Variants in DPYD observed in about 807,000 individuals in gnomAD.
The protein encoded by DPYD is dihydropyrimidine dehydrogenase [NADP(+)].
In DPYD, 109 loss-of-function variants were observed where a neutral mutation model predicts 116.2. The ratio of observed to expected loss-of-function variants is 0.94; its 90% confidence interval spans 0.80 to 1.10. The LOEUF (loss-of-function observed/expected upper bound fraction) is 1.10. Ranked by LOEUF, DPYD falls within the 50% of genes least tolerant of loss-of-function variation. The probability of loss-of-function intolerance (pLI) is 0.00; values close to 1 mark genes in which losing one functional copy is unlikely to be tolerated. For missense variants in DPYD, 1,302 were observed against 1,254.5 expected, an observed-to-expected ratio of 1.04 and a Z score of -0.57; for synonymous variants, 440 against 432.0, an observed-to-expected ratio of 1.02 and a Z score of -0.23.
At chr1:97,122,511 T>C (rs1460478691) in intron 20 of DPYD, among the ~76,000 whole-genome samples, 2 of 152,188 alleles carry the variant, frequency 1.3e-5, no homozygotes, top group East Asian at 3.8e-4. Context: ...TTTCAAAGAC[T>C]TCCCATCAGA....
At chr1:97,495,547 AT>A (rs1313072414) in intron 13 of DPYD, among the ~76,000 whole-genome samples, 7 of 152,098 alleles carry the variant, frequency 4.6e-5, no homozygotes, top group Non-Finnish European at 8.8e-5. Context: ...ATTATTGATT[AT>A]ATTATTATTA....
intron 4 of DPYD, among the ~76,000 whole-genome samples, chr1:97,724,983 G>GAGAGAGAGAGAGAT (rs1663160785): frequency 6.7e-6 from 1 of 148,840 alleles, no homozygotes; most frequent in Non-Finnish European, 1.5e-5. Flanking sequence ...GAGAGAGAGA[G>GAGAGAGAGAGAGAT]AGAAAGTTAT....
intron 18 of DPYD, among the ~76,000 whole-genome samples, chr1:97,302,379 G>T (rs1666917951): frequency 6.6e-6 from 1 of 151,882 alleles, no homozygotes; most frequent in Admixed American, 6.6e-5. Context: ...TTTTAATGGA[G>T]CAATACTATG....
At chr1:97,809,046 C>A (rs191588789) in intron 3 of DPYD, among the ~76,000 whole-genome samples, 1 of 152,156 alleles carries the variant, frequency 6.6e-6, no homozygotes, top group East Asian at 1.9e-4. Context: ...GTCATGGAGG[C>A]AGTAGAGGGG....
intron 18 of DPYD, among the ~76,000 whole-genome samples, chr1:97,236,522 G>A (rs1448733131): frequency 6.6e-6 from 1 of 152,172 alleles, no homozygotes; most frequent in Non-Finnish European, 1.5e-5. Context: ...GAAAAACTGT[G>A]GAGACAGTGA....
chr1:97,540,397 A>C (rs1183397133), intron 12 of DPYD, among the ~76,000 whole-genome samples: 1 of 150,272 alleles, frequency 6.7e-6, no homozygotes, highest in Non-Finnish European at 1.5e-5. Flanking sequence ...CAAAACAAAA[A>C]CCAAACTTTT....
intron 3 of DPYD, 115 bp downstream of exon 3, chr1:97,827,999 A>G (rs780278100): frequency 2.0e-6 from 2 of 1,023,030 alleles, no homozygotes; most frequent in Non-Finnish European, 3.0e-6. Context: ...TGACAAATTA[A>G]TACCTTAGAG....
At chr1:97,583,470 C>T (rs988742712) in intron 10 of DPYD, among the ~76,000 whole-genome samples, 1 of 152,110 alleles carries the variant, frequency 6.6e-6, no homozygotes, top group Admixed American at 6.5e-5. Flanking sequence ...TGGAGTATCT[C>T]ACAAAACTAC....
intron 12 of DPYD, among the ~76,000 whole-genome samples, chr1:97,530,700 T>A (rs1649554399): frequency 1.3e-5 from 2 of 152,344 alleles, no homozygotes; most frequent in South Asian, 4.1e-4. Flanking sequence ...GAGAAACATC[T>A]ATACTGTTTT....
chr1:97,727,420 A>G (rs981530078), intron 4 of DPYD, among the ~76,000 whole-genome samples: 1 of 151,800 alleles, frequency 6.6e-6, no homozygotes. Context: ...CTGACTGGCA[A>G]GCTGAGGGAT....
chr1:97,575,257 A>G (rs1046853339), intron 10 of DPYD, among the ~76,000 whole-genome samples: 12 of 152,198 alleles, frequency 7.9e-5, no homozygotes, highest in Non-Finnish European at 1.3e-4. Flanking sequence ...TGCATTTTCA[A>G]AGACAGGAAT....
chr1:97,921,037 G>C (rs894896032), upstream of DPYD: 2 of 1,348,520 alleles, frequency 1.5e-6, no homozygotes, highest in South Asian at 2.6e-5. Flanking sequence ...GGCAGACTAG[G>C]GCCGGCGGCG....
intron 21 of DPYD, among the ~76,000 whole-genome samples, chr1:97,096,758 G>A (rs772177767): frequency 5.9e-5 from 9 of 152,250 alleles, no homozygotes; most frequent in Non-Finnish European, 1.2e-4. Flanking sequence ...TATGGGAGGG[G>A]ACAATAAGGG....
rs1003721764 is a variant in DPYD, at chr1:97,373,622, T to G, written c.1997A>C (p.Glu666Ala). 2 of 1,613,740 alleles carry G rather than the reference T, an allele frequency of 1.2e-6. No individual in the cohort carries two copies. The highest frequency in any genetic ancestry group is 1.7e-6 in the Non-Finnish European group (2 of 1,179,784). The change falls in exon 16 of 23, where the codon GAG (glutamate) becomes GCG (alanine). Residue 666 changes from glutamate to alanine, a missense_variant. Coordinates refer to ENST00000370192, the MANE Select transcript of DPYD (RefSeq NM_000110.4). ...KSEDSGADAL[E>A]LNLSCPHGMG... ...GCCATGTGGACATGATAAATTTAACTCCAGGGCATCTGCTCCAGAATCCTT... is the reference window on the plus strand; with the variant it reads ...GCCATGTGGACATGATAAATTTAACGCCAGGGCATCTGCTCCAGAATCCTT...
Position 97,434,730 on chromosome 1 carries a change from C to A in DPYD, c.1905+15329G>T, listed in dbSNP as rs186726811. ...CTGATGTTTGGCTTTAAAAAACAAT[C>A]TTTTTATTGTGCGTAAGTATATATG... On this transcript the variant is annotated intron_variant, in intron 14 of 22. Transcript: ENST00000370192. Among the ~76,000 whole-genome samples, 253 of 152,106 alleles carry A rather than the reference C, an allele frequency of 1.7e-3. 2 individuals are homozygous for A. The highest frequency in any genetic ancestry group is 4.4e-3 in the Admixed American group (67 of 15,268).
chr1:97,229,406 T>C (rs949162004), intron 19 of DPYD, among the ~76,000 whole-genome samples: 1 of 150,080 alleles, frequency 6.7e-6, no homozygotes, highest in African/African-American at 2.4e-5. Context: ...AAAGGTTAGG[T>C]TAACCCAAGA....
At chr1:97,457,785 T>G (rs1387819769) in intron 13 of DPYD, among the ~76,000 whole-genome samples, 1 of 152,170 alleles carries the variant, frequency 6.6e-6, no homozygotes, top group Non-Finnish European at 1.5e-5. Context: ...ATGACTGTTT[T>G]AAGGAGTTCA....
rs893690522 is a variant in DPYD at position 97,119,083 on chromosome 1, C to A, written c.2623-20451G>T. On this transcript the variant is annotated intron_variant, in intron 20 of 22. Transcript: ENST00000370192. ...TGAACAACAAGCATTCATTAGAAAG[C>A]ATACTAAGTGTGTGATTTATTGTGA... 3.3e-5 allele frequency among the ~76,000 whole-genome samples: 5 copies of A among 152,098 alleles called. 1 individual carries two copies. In the South Asian group the frequency reaches 1.0e-3, roughly 32 times the overall value.
At chr1:97,806,854 A>C (rs185237203) in intron 3 of DPYD, among the ~76,000 whole-genome samples, 12 of 151,772 alleles carry the variant, frequency 7.9e-5, no homozygotes, top group Non-Finnish European at 2.9e-5. Flanking sequence ...AACCCCTCAT[A>C]TTTTCACTGT....
Sources: gnomAD v4.1 joint callset for allele counts (sites outside exome capture counted in the v4.1 genomes callset) on GRCh38, gnomAD v4.1.1 for gene constraint, MANE v1.5 for transcripts, NCBI Gene and HGNC (gene_info 2026-07-23, HGNC 2026-07-21) for gene names.